The following SPAG16 variants were observed in gnomAD, a reference collection of about 807,000 sequenced individuals.
The protein encoded by SPAG16 is sperm-associated antigen 16 protein.
SPAG16 carries 86 observed loss-of-function variants against 80.4 expected under a neutral mutation model. The observed-to-expected ratio is 1.07, with a 90% CI of 0.90 to 1.28. The LOEUF is 1.28. SPAG16 is among the 50% of genes most tolerant of loss of function. SPAG16 has a pLI of 0.00. For synonymous variants in SPAG16, 294 were observed against 265.9 expected (o/e 1.11, Z -1.03); for missense variants, 870 against 765.3 (o/e 1.14, Z -1.61).
At chr2:214,371,802 T>G (rs1208651646) in intron 15 of SPAG16, among the ~76,000 whole-genome samples, 2 of 150,896 alleles carry the variant, frequency 1.3e-5, no homozygotes, top group Non-Finnish European at 3.0e-5. Flanking sequence ...TGCCTCAGCC[T>G]CCCAAGTAGC....
chr2:214,085,535 T>G (rs1392225864), intron 13 of SPAG16, among the ~76,000 whole-genome samples: 1 of 152,202 alleles, frequency 6.6e-6, no homozygotes, highest in Non-Finnish European at 1.5e-5. Flanking sequence ...AAACTTTGAT[T>G]ATACTTCCTC....
At chr2:213,702,639 A>C (rs889775247) in intron 10 of SPAG16, among the ~76,000 whole-genome samples, 2 of 152,180 alleles carry the variant, frequency 1.3e-5, no homozygotes, top group African/African-American at 4.8e-5. Flanking sequence ...ATTTCATCAT[A>C]TGATACTTCC....
intron 11 of SPAG16, among the ~76,000 whole-genome samples, chr2:213,863,031 A>G (rs2075543903): frequency 6.6e-6 from 1 of 152,194 alleles, no homozygotes; most frequent in Non-Finnish European, 1.5e-5. Flanking sequence ...GATAGCTGCG[A>G]TCAATTTCTC....
At chr2:213,604,502 C>T (rs371633546) in intron 10 of SPAG16, among the ~76,000 whole-genome samples, 39 of 152,140 alleles carry the variant, frequency 2.6e-4, no homozygotes, top group Middle Eastern at 3.4e-3. Context: ...TCCTCATTTC[C>T]TTCTTACTTT....
chr2:213,406,242 A>G (rs950407843), intron 9 of SPAG16, among the ~76,000 whole-genome samples: 1 of 152,118 alleles, frequency 6.6e-6, no homozygotes, highest in Non-Finnish European at 1.5e-5. Context: ...TTATTCATTC[A>G]TTTCTTTACT....
chr2:213,370,105 T>C (rs934525069), intron 8 of SPAG16, among the ~76,000 whole-genome samples: 1 of 152,214 alleles, frequency 6.6e-6, no homozygotes, highest in Non-Finnish European at 1.5e-5. Flanking sequence ...TAGTATCAGT[T>C]ATGCACAGTG....
chr2:213,676,874 G>A (rs998607564), intron 10 of SPAG16, among the ~76,000 whole-genome samples: 3 of 150,940 alleles, frequency 2.0e-5, no homozygotes, highest in African/African-American at 7.3e-5. Flanking sequence ...CCCAGCTTTG[G>A]TATCAGGATG....
intron 13 of SPAG16, among the ~76,000 whole-genome samples, chr2:214,080,895 T>C (rs1158664813): frequency 1.3e-5 from 2 of 151,818 alleles, no homozygotes; most frequent in East Asian, 3.9e-4. Context: ...GATATACAGA[T>C]GGAGAGTCAG....
At chr2:213,580,598 G>T (rs145604063) in intron 10 of SPAG16, among the ~76,000 whole-genome samples, 2 of 152,082 alleles carry the variant, frequency 1.3e-5, no homozygotes, top group Non-Finnish European at 2.9e-5. Flanking sequence ...AATGGATACA[G>T]TGCTATCTTT....
At chr2:213,604,902 C>T (rs959825064) in intron 10 of SPAG16, among the ~76,000 whole-genome samples, 9 of 149,348 alleles carry the variant, frequency 6.0e-5, no homozygotes, top group East Asian at 1.9e-4. Flanking sequence ...ATTTTGTAAA[C>T]GTTTTTGTAA....
At chr2:213,755,769 A>G (rs1401546308) in intron 10 of SPAG16, among the ~76,000 whole-genome samples, 1 of 152,204 alleles carries the variant, frequency 6.6e-6, no homozygotes, top group Admixed American at 6.5e-5. Context: ...ACTTTAGTAG[A>G]TATTAGAAAG....
chr2:213,373,098 C>T (rs1294151010), intron 8 of SPAG16, among the ~76,000 whole-genome samples: 3 of 151,908 alleles, frequency 2.0e-5, no homozygotes, highest in Admixed American at 6.6e-5. Context: ...TGCACAGTAC[C>T]TGTTGGTACC....
At chr2:213,714,042 C>A (rs1377166087) in intron 10 of SPAG16, among the ~76,000 whole-genome samples, 1 of 152,132 alleles carries the variant, frequency 6.6e-6, no homozygotes, top group Admixed American at 6.5e-5. Flanking sequence ...CTTCCAGCGA[C>A]CCAAGCTACT....
chr2:214,294,230 T>G (rs1469765938), intron 15 of SPAG16, among the ~76,000 whole-genome samples: 1 of 152,212 alleles, frequency 6.6e-6, no homozygotes, highest in Non-Finnish European at 1.5e-5. Flanking sequence ...AGGGGCTTGC[T>G]CTTGGCTAAG....
chr2:213,948,834 C>T (rs1453522637), intron 12 of SPAG16, among the ~76,000 whole-genome samples: 2 of 152,162 alleles, frequency 1.3e-5, no homozygotes, highest in East Asian at 3.8e-4. Context: ...ATTTCTGTTA[C>T]ATTTTTTGCC....
intron 9 of SPAG16, among the ~76,000 whole-genome samples, chr2:213,416,447 G>A (rs777572584): frequency 7.9e-5 from 12 of 152,054 alleles, no homozygotes; most frequent in East Asian, 1.9e-4. Flanking sequence ...GATCAGCTTC[G>A]TGTGTAAACA....
At chr2:213,651,721 A>G (rs1159173940) in intron 10 of SPAG16, among the ~76,000 whole-genome samples, 1 of 152,164 alleles carries the variant, frequency 6.6e-6, no homozygotes, top group Non-Finnish European at 1.5e-5. Flanking sequence ...AATTTAGTCT[A>G]GGCAAGTCTA....
chr2:213,411,160 C>T (rs1340648924), intron 9 of SPAG16, among the ~76,000 whole-genome samples: 2 of 152,216 alleles, frequency 1.3e-5, no homozygotes, highest in African/African-American at 4.8e-5. Flanking sequence ...TTGGCTATCC[C>T]TTTCACCCTG....
At chr2:213,921,426 A>G (rs1320677979) in intron 11 of SPAG16, among the ~76,000 whole-genome samples, 1 of 151,980 alleles carries the variant, frequency 6.6e-6, no homozygotes, top group African/African-American at 2.4e-5. Context: ...TATGGATGTC[A>G]TTGTATGTGA....
Sources: gnomAD v4.1 joint callset for allele counts (sites outside exome capture counted in the v4.1 genomes callset) on GRCh38, gnomAD v4.1.1 for gene constraint, MANE v1.5 for transcripts, NCBI Gene and HGNC (gene_info 2026-07-23, HGNC 2026-07-21) for gene names.